The following SEMA6D variants were observed in gnomAD, a reference collection of about 807,000 sequenced individuals.
The protein encoded by SEMA6D is semaphorin-6D.
A neutral mutation model predicts 106.6 loss-of-function variants in SEMA6D; 35 were observed. That is an observed-to-expected ratio of 0.33 (90% CI 0.25 to 0.44). SEMA6D has a LOEUF of 0.44. SEMA6D is among the 20% of genes least tolerant of loss of function. The probability of loss-of-function intolerance (pLI) is 1.00; values close to 1 mark genes in which losing one functional copy is unlikely to be tolerated. For synonymous variants in SEMA6D, 499 were observed against 487.7 expected (o/e 1.02, Z -0.31); for missense variants, 1,185 against 1,345.9 (o/e 0.88, Z 1.87).
At chr15:47,498,331 C>T (rs1263476036) in intron 3 of SEMA6D, among the ~76,000 whole-genome samples, 1 of 152,062 alleles carries the variant, frequency 6.6e-6, no homozygotes, top group African/African-American at 2.4e-5. Context: ...ATGAACCAGC[C>T]TGAAGCAAAA....
chr15:47,726,042 G>C (rs556577479), intron 1 of SEMA6D, among the ~76,000 whole-genome samples: 1 of 152,358 alleles, frequency 6.6e-6, no homozygotes, highest in African/African-American at 2.4e-5. Flanking sequence ...ACATAAAGCA[G>C]AGAACCTGTT....
chr15:47,212,579 T>A (rs1268723996), intron 1 of SEMA6D, among the ~76,000 whole-genome samples: 4 of 152,210 alleles, frequency 2.6e-5, no homozygotes, highest in African/African-American at 9.6e-5. Flanking sequence ...CTCTTAATAA[T>A]AAAACTATCA....
intron 1 of SEMA6D, among the ~76,000 whole-genome samples, chr15:47,217,632 T>C (rs2030761064): frequency 1.3e-5 from 2 of 151,044 alleles, no homozygotes. Context: ...TCATATGTAT[T>C]TTACTAAAAA....
At chr15:47,660,364 TG>T (rs2077892901) in intron 4 of SEMA6D, among the ~76,000 whole-genome samples, 1 of 152,202 alleles carries the variant, frequency 6.6e-6, no homozygotes, top group Non-Finnish European at 1.5e-5. Context: ...CGACACAATG[TG>T]ATAACTTGCA....
At chr15:47,395,371 A>C (rs2040179503) in intron 1 of SEMA6D, among the ~76,000 whole-genome samples, 1 of 152,238 alleles carries the variant, frequency 6.6e-6, no homozygotes, top group Non-Finnish European at 1.5e-5. Context: ...CAAATGAAAT[A>C]GTCTAATCCT....
chr15:47,227,419 C>CTCTTTCTTTCTTTCTTTCTTTCTT lies in SEMA6D; in HGVS notation c.-239+43022_-239+43023insCTTTCTTTCTTTCTTTCTTTCTTT, dbSNP rs10652948. 2.7e-3 allele frequency among the ~76,000 whole-genome samples: 307 copies of CTCTTTCTTTCTTTCTTTCTTTCTT among 115,414 alleles called. 9 individuals carry two copies. Among genetic ancestry groups the CTCTTTCTTTCTTTCTTTCTTTCTT allele is most frequent in the African/African-American group, 0.01 (265 of 25,880 alleles). 75.7% of individuals were successfully genotyped at this position (115,414 alleles called of 152,430 possible). A position where few individuals can be genotyped will look rare whatever the true frequency, so the allele number is the denominator to read the frequency against. ...TTCTACCTTATGTCTTTCTTTCTTT[C>CTCTTTCTTTCTTTCTTTCTTTCTT]TCTTTCTTTCTTTCTTTCTTTTCTT... On this transcript the variant is annotated intron_variant, in intron 1 of 19. Coordinates refer to the SEMA6D transcript ENST00000558014.
Position 47,406,821 on chromosome 15 carries a change from A to G in SEMA6D, c.-238-5572A>G, listed in dbSNP as rs574070020. 1.2e-3 allele frequency among the ~76,000 whole-genome samples: 184 copies of G among 152,042 alleles called. 10 individuals are homozygous for G. In the South Asian group the frequency reaches 0.037, roughly 30 times the overall value. On this transcript the variant is annotated intron_variant, in intron 1 of 19. Transcript: ENST00000558014. ...TGAAGTGACTTGTGAGGTGATAGAT[A>G]ATGGATATGTTAATTAGCTTGATTG...
intron 3 of SEMA6D, among the ~76,000 whole-genome samples, chr15:47,556,135 T>C (rs181187376): frequency 4.9e-4 from 75 of 152,298 alleles, no homozygotes; most frequent in African/African-American, 1.3e-3. Context: ...CATGTTTTCT[T>C]TTTAATTGAT....
intron 3 of SEMA6D, among the ~76,000 whole-genome samples, chr15:47,584,428 GA>G (rs368275975): frequency 2.0e-5 from 3 of 149,964 alleles, no homozygotes; most frequent in African/African-American, 4.9e-5. Flanking sequence ...TGTCTCAGGG[GA>G]AAAAAAAAAA....
chr15:47,388,225 G>A (rs1034432200), intron 1 of SEMA6D, among the ~76,000 whole-genome samples: 9 of 152,134 alleles, frequency 5.9e-5, no homozygotes, highest in Admixed American at 5.9e-4. Flanking sequence ...TGGGGAAGTT[G>A]TATACACAGC....
intron 3 of SEMA6D, among the ~76,000 whole-genome samples, chr15:47,526,133 C>A (rs780552407): frequency 1.1e-4 from 17 of 152,224 alleles, no homozygotes; most frequent in Non-Finnish European, 2.1e-4. Context: ...TTTAATTCTT[C>A]ATTTTCATTC....
intron 3 of SEMA6D, among the ~76,000 whole-genome samples, chr15:47,499,266 G>C (rs1409366124): frequency 6.6e-6 from 1 of 152,142 alleles, no homozygotes; most frequent in African/African-American, 2.4e-5. Context: ...CCTCTAATCC[G>C]TCCTCAGAAA....
Position 47,277,266 on chromosome 15 carries a change from T to G in SEMA6D, c.-239+92848T>G, listed in dbSNP as rs1335619237. On this transcript the variant is annotated intron_variant, in intron 1 of 19. Coordinates refer to the SEMA6D transcript ENST00000558014. ...ATACAGTTAACAAAGCAGTGGCAGATTTCAGAAGATTGACTCCAATTTTGA... is the reference window on the plus strand; with the variant it reads ...ATACAGTTAACAAAGCAGTGGCAGAGTTCAGAAGATTGACTCCAATTTTGA... Among the ~76,000 whole-genome samples the G allele has an allele frequency of 2.0e-5, 3 of 152,150 alleles. 1 individual carries two copies. Among genetic ancestry groups the G allele is most frequent in the Non-Finnish European group, 4.4e-5 (3 of 68,042 alleles).
chr15:47,566,322 C>G (rs2046228210), intron 3 of SEMA6D, among the ~76,000 whole-genome samples: 1 of 152,180 alleles, frequency 6.6e-6, no homozygotes, highest in Non-Finnish European at 1.5e-5. Context: ...AGGGAGATTC[C>G]TTCTTCCAGT....
upstream of SEMA6D, chr15:47,717,484 G>C (rs952892438): frequency 6.5e-5 from 10 of 152,914 alleles, no homozygotes; most frequent in African/African-American, 2.4e-4. Flanking sequence ...GCCGTGCATC[G>C]GTTTGTTTTG....
chr15:47,290,730 C>G (rs908350169), intron 1 of SEMA6D, among the ~76,000 whole-genome samples: 1 of 152,082 alleles, frequency 6.6e-6, no homozygotes, highest in African/African-American at 2.4e-5. Context: ...CAAGATGAGG[C>G]AATAAAAATG....
At chr15:47,649,319 C>T (rs1378375687) in intron 4 of SEMA6D, among the ~76,000 whole-genome samples, 2 of 152,084 alleles carry the variant, frequency 1.3e-5, no homozygotes, top group Non-Finnish European at 2.9e-5. Flanking sequence ...CAAATGTCAC[C>T]GAGTCATTCA....
intron 4 of SEMA6D, among the ~76,000 whole-genome samples, chr15:47,605,567 CT>C (rs55757014): frequency 0.99 from 150,981 of 152,250 alleles, 74,870 homozygotes; most frequent in Middle Eastern, 1. Context: ...GATGGGGTGT[CT>C]TAGGCTACCT....
chr15:47,544,039 G>C (rs904962211), intron 3 of SEMA6D, among the ~76,000 whole-genome samples: 1 of 152,182 alleles, frequency 6.6e-6, no homozygotes, highest in South Asian at 2.1e-4. Context: ...AATAATTAAA[G>C]AAGTTTGGTT....
Sources: gnomAD v4.1 joint callset for allele counts (sites outside exome capture counted in the v4.1 genomes callset) on GRCh38, gnomAD v4.1.1 for gene constraint, MANE v1.5 for transcripts, NCBI Gene and HGNC (gene_info 2026-07-23, HGNC 2026-07-21) for gene names.